MMP20: variants seen among roughly 807,000 people sequenced by gnomAD.
MMP20 encodes matrix metalloproteinase-20.
MMP20 carries 50 observed loss-of-function variants against 51.8 expected under a neutral mutation model. The observed-to-expected ratio is 0.97, with a 90% CI of 0.77 to 1.22. The LOEUF (loss-of-function observed/expected upper bound fraction) is 1.22. MMP20 is among the 50% of genes most tolerant of loss of function. The pLI, the probability that MMP20 is intolerant of heterozygous loss-of-function variation, is 0.00. For synonymous variants in MMP20, 244 were observed against 216.2 expected, an observed-to-expected ratio of 1.13 and a Z score of -1.13; for missense variants, 663 against 601.4, an observed-to-expected ratio of 1.10 and a Z score of -1.07.
In MMP20 at chr11:102,585,205, T is replaced by C. The variant is rs569280861; in HGVS notation, c.1248-6063A>G. Among the ~76,000 whole-genome samples, 9 of 152,300 alleles carry C rather than the reference T, an allele frequency of 5.9e-5. No individual in the cohort carries two copies. The South Asian group carries it at 8.3e-4, about 14-fold the overall frequency. On this transcript the variant is annotated intron_variant, in intron 8 of 9. Coordinates refer to ENST00000260228, the MANE Select transcript of MMP20 (RefSeq NM_004771.4). ...ATCTACAGATCAATTTGGGGACTAC[T>C]ATCATCTTAAAAATATCCTCATCCA...
intron 8 of MMP20, among the ~76,000 whole-genome samples, chr11:102,582,720 G>C (rs1443857908): frequency 6.6e-6 from 1 of 152,066 alleles, no homozygotes; most frequent in Non-Finnish European, 1.5e-5. Flanking sequence ...GTATCCTATA[G>C]TATTAAGTAG....
intron 6 of MMP20, among the ~76,000 whole-genome samples, chr11:102,602,087 T>C (rs1450770570): frequency 1.3e-4 from 19 of 146,556 alleles, no homozygotes; most frequent in African/African-American, 1.8e-4. Context: ...GTAGCTGGGA[T>C]TACAGGCGCC....
intron 6 of MMP20, among the ~76,000 whole-genome samples, chr11:102,606,087 C>T (rs1859511625): frequency 6.6e-6 from 1 of 152,200 alleles, no homozygotes; most frequent in African/African-American, 2.4e-5. Context: ...CTAGCCAACC[C>T]TCATTCACCA....
At chr11:102,609,784 T>C (rs1167772592) in intron 4 of MMP20, 121 bp downstream of exon 4, 9 of 1,449,688 alleles carry the variant, frequency 6.2e-6, no homozygotes, top group South Asian at 2.3e-5. Flanking sequence ...GGCTTACTTG[T>C]TTTTCCTAGC....
intron 3 of MMP20, among the ~76,000 whole-genome samples, chr11:102,610,264 T>C (rs888484681): frequency 6.6e-6 from 1 of 152,100 alleles, no homozygotes; most frequent in Non-Finnish European, 1.5e-5. Flanking sequence ...AAAACACCTG[T>C]TTTGGGTTAT....
chr11:102,615,851 T>C (rs1172902307), intron 2 of MMP20, among the ~76,000 whole-genome samples: 1 of 152,074 alleles, frequency 6.6e-6, no homozygotes, highest in Non-Finnish European at 1.5e-5. Flanking sequence ...CCACTCTTCT[T>C]TTCTGACCTG....
chr11:102,602,260 G>A (rs999490810), intron 6 of MMP20, among the ~76,000 whole-genome samples: 5 of 146,408 alleles, frequency 3.4e-5, no homozygotes, highest in Admixed American at 6.8e-5. Context: ...GAGCCACCGC[G>A]CCCGGCCAAA....
intron 6 of MMP20, among the ~76,000 whole-genome samples, chr11:102,597,345 G>A (rs1248881871): frequency 1.3e-5 from 2 of 152,198 alleles, no homozygotes; most frequent in African/African-American, 2.4e-5. Context: ...TAGTAGTTAC[G>A]AGCTCAGGCA....
At position 102,594,739 on chromosome 11, in the gene MMP20, C is replaced by T. The variant is rs748718656; in HGVS notation, c.972G>A (p.Gln324=). ...LFKDRIFWRR[Q]VHLRTGIRPS... Reference sequence around the variant, plus strand: ...GCCGAATTCCTGTCCGCAAGTGAACCTGCCGTCTCCAGAAAATCCTATGGG... The same window carrying T: ...GCCGAATTCCTGTCCGCAAGTGAACTTGCCGTCTCCAGAAAATCCTATGGG... The change falls in exon 7 of 10, where the codon CAG becomes CAA. Residue 324 remains glutamine (Q), a synonymous_variant. Transcript: ENST00000260228. 1.2e-5 allele frequency: 20 copies of T among 1,604,560 alleles called. No homozygotes were observed. The highest frequency in any genetic ancestry group is 2.2e-5 in the East Asian group (1 of 44,574).
At chr11:102,617,552 T>C (rs1454261709) in intron 1 of MMP20, among the ~76,000 whole-genome samples, 1 of 152,202 alleles carries the variant, frequency 6.6e-6, no homozygotes, top group Non-Finnish European at 1.5e-5. Flanking sequence ...TTAAAGGCAT[T>C]GTATTCCAGC....
chr11:102,600,102 G>C (rs1859428160), intron 6 of MMP20, among the ~76,000 whole-genome samples: 1 of 152,132 alleles, frequency 6.6e-6, no homozygotes, highest in East Asian at 1.9e-4. Flanking sequence ...ACAGAGAACC[G>C]CTCTAAGTAA....
rs1859604871 is a variant in MMP20, at chr11:102,611,845, C to T, written c.433G>A (p.Ala145Thr). 1.2e-6 allele frequency: 2 copies of T among 1,614,240 alleles called. No homozygotes were observed. Among genetic ancestry groups the T allele is most frequent in the South Asian group, 1.1e-5 (1 of 91,090 alleles). Residue 145 changes from alanine (A) to threonine (T), a missense_variant, in exon 3 of 10, where the codon GCC becomes ACC. Ala to Thr is a moderately conservative substitution (Grantham distance 58). Transcript: ENST00000260228. ...ACGGCGCTACTCCAGGCCTGCAAGGCCATCTCCACTGCTTTGTCCACCTCG... is the reference window on the plus strand; with the variant it reads ...ACGGCGCTACTCCAGGCCTGCAAGGTCATCTCCACTGCTTTGTCCACCTCG... ...SVEVDKAVEM[A>T]LQAWSSAVPL...
intron 1 of MMP20, among the ~76,000 whole-genome samples, chr11:102,623,473 C>T (rs1017268957): frequency 6.6e-6 from 1 of 152,178 alleles, no homozygotes; most frequent in African/African-American, 2.4e-5. Flanking sequence ...AATCTTATGC[C>T]TGATGATCTG....
intron 6 of MMP20, 61 bp from the exon 7 acceptor site, chr11:102,594,818 A>G: frequency 6.3e-7 from 1 of 1,585,004 alleles, no homozygotes. Context: ...ATTTACATAT[A>G]AAATTGCACT....
intron 9 of MMP20, among the ~76,000 whole-genome samples, chr11:102,578,780 A>C (rs200448201): frequency 7.3e-6 from 1 of 137,494 alleles, no homozygotes; most frequent in Admixed American, 7.1e-5. Flanking sequence ...CAAAAAACAA[A>C]ACACACACAC....
chr11:102,617,117 C>T (rs897882921), intron 1 of MMP20, 58 bp from the exon 2 acceptor site: 76 of 1,601,968 alleles, frequency 4.7e-5, no homozygotes, highest in Middle Eastern at 3.3e-4. Flanking sequence ...TACTCATGCT[C>T]AGGTAAGGCA....
intron 8 of MMP20, among the ~76,000 whole-genome samples, chr11:102,581,119 A>G (rs925881009): frequency 2.0e-5 from 3 of 151,980 alleles, no homozygotes; most frequent in Non-Finnish European, 4.4e-5. Context: ...CTCATCTGGA[A>G]AACATTGGTC....
Position 102,578,146 on chromosome 11 carries a change from A to ATT in MMP20, c.1352-722_1352-721dup, listed in dbSNP as rs35835372. Among the ~76,000 whole-genome samples, 250 of 146,732 alleles carry ATT rather than the reference A, an allele frequency of 1.7e-3. 6 individuals carry two copies. The South Asian group carries it at 0.026, about 15-fold the overall frequency. On this transcript the variant is annotated intron_variant, in intron 9 of 9. Coordinates refer to ENST00000260228, the MANE Select transcript of MMP20 (RefSeq NM_004771.4). The stretch of plus-strand genomic sequence containing the variant: ...AAAAGCACTGAGAAGCTTGAGACAG[A>ATT]TTTTTTTTTTTTTTTGAGACAGGGT...
intron 2 of MMP20, among the ~76,000 whole-genome samples, chr11:102,614,640 G>A (rs1237371284): frequency 6.6e-6 from 1 of 151,912 alleles, no homozygotes; most frequent in Non-Finnish European, 1.5e-5. Flanking sequence ...TCCCCCAATT[G>A]CTTTGTTTTT....
Sources: gnomAD v4.1 joint callset for allele counts (sites outside exome capture counted in the v4.1 genomes callset) on GRCh38, gnomAD v4.1.1 for gene constraint, MANE v1.5 for transcripts, NCBI Gene and HGNC (gene_info 2026-07-23, HGNC 2026-07-21) for gene names.